Variants in MAD1L1 observed in about 807,000 individuals in gnomAD.
The protein encoded by MAD1L1 is mitotic spindle assembly checkpoint protein MAD1.
MAD1L1 carries 95 observed loss-of-function variants against 96.9 expected under a neutral mutation model. The observed-to-expected ratio is 0.98, with a 90% CI of 0.83 to 1.16. The LOEUF is 1.16. MAD1L1 is among the 50% of genes most tolerant of loss of function. The probability of loss-of-function intolerance (pLI) is 0.00; values close to 1 mark genes in which losing one functional copy is unlikely to be tolerated. For synonymous variants in MAD1L1, 473 were observed against 396.6 expected (o/e 1.19, Z -2.29); for missense variants, 1,007 against 954.4 (o/e 1.06, Z -0.73).
At chr7:1,843,535 G>A (rs1783404339) in intron 18 of MAD1L1, among the ~76,000 whole-genome samples, 1 of 152,188 alleles carries the variant, frequency 6.6e-6, no homozygotes, top group South Asian at 2.1e-4. Context: ...CTCCTGAAGT[G>A]CAATTGGTTA....
At chr7:1,877,487 A>G (rs956858009) in intron 18 of MAD1L1, among the ~76,000 whole-genome samples, 5 of 152,054 alleles carry the variant, frequency 3.3e-5, no homozygotes, top group South Asian at 4.2e-4. Flanking sequence ...AAGAGGCAAG[A>G]AAAATGAAAA....
chr7:2,015,066 A>G (rs1782475156), intron 12 of MAD1L1, among the ~76,000 whole-genome samples: 1 of 152,202 alleles, frequency 6.6e-6, no homozygotes, highest in Non-Finnish European at 1.5e-5. Context: ...GACTCCTCTG[A>G]GTCCCAGTCA....
intron 10 of MAD1L1, among the ~76,000 whole-genome samples, chr7:2,168,145 C>T (rs954256544): frequency 1.3e-4 from 20 of 151,990 alleles, no homozygotes; most frequent in African/African-American, 4.6e-4. Flanking sequence ...ATTAGCCAGG[C>T]GTGGTGGTGG....
At chr7:2,095,096 G>A (rs1256227067) in intron 11 of MAD1L1, among the ~76,000 whole-genome samples, 3 of 152,196 alleles carry the variant, frequency 2.0e-5, no homozygotes, top group South Asian at 2.1e-4. Context: ...AGGCTGGAGT[G>A]CAGTGGCTCC....
In MAD1L1 at chr7:1,914,981, C is replaced by G. The variant is rs745423592; in HGVS notation, c.1808-16591G>C. Among the ~76,000 whole-genome samples the G allele has an allele frequency of 5.3e-5, 8 of 152,150 alleles. 1 individual carries two copies. Among genetic ancestry groups the G allele is most frequent in the Non-Finnish European group, 1.2e-4 (8 of 68,026 alleles). Reference sequence around the variant, plus strand: ...CAACAGGAGCCTCATGCGGTGGCATCTAAGGATAGTGTGGGCCTCTGGTTT... The same window carrying G: ...CAACAGGAGCCTCATGCGGTGGCATGTAAGGATAGTGTGGGCCTCTGGTTT... On this transcript the variant is annotated intron_variant, in intron 17 of 18. Transcript: ENST00000265854.
At chr7:2,183,212 CAA>C (rs1020370883) in intron 10 of MAD1L1, among the ~76,000 whole-genome samples, 19 of 101,584 alleles carry the variant, frequency 1.9e-4, no homozygotes, top group Admixed American at 2.1e-4. Flanking sequence ...GACTCTGCCT[CAA>C]AAAAAAAAAA....
intron 10 of MAD1L1, among the ~76,000 whole-genome samples, chr7:2,186,372 A>G (rs1791460289): frequency 6.6e-6 from 1 of 152,274 alleles, no homozygotes; most frequent in African/African-American, 2.4e-5. Flanking sequence ...TGGCTACTAA[A>G]GAGTAAACAC....
At chr7:1,884,074 AG>A (rs1419354427) in intron 18 of MAD1L1, among the ~76,000 whole-genome samples, 2 of 15,566 alleles carry the variant, frequency 1.3e-4, no homozygotes, top group East Asian at 1.7e-3. Flanking sequence ...AGCTCATTCG[AG>A]AGAGCATGTG....
chr7:2,062,097 C>A (rs1210060561), intron 12 of MAD1L1, among the ~76,000 whole-genome samples: 1 of 151,548 alleles, frequency 6.6e-6, no homozygotes, highest in African/African-American at 2.4e-5. Context: ...AAAAAATTAG[C>A]TGGGTATAGT....
intron 17 of MAD1L1, among the ~76,000 whole-genome samples, chr7:1,935,707 C>T (rs535463874): frequency 5.9e-5 from 9 of 152,334 alleles, no homozygotes; most frequent in African/African-American, 2.2e-4. Context: ...GTACAGGGCG[C>T]GATGGCAAGT....
chr7:1,816,612 C>T (rs1781819704), intron 18 of MAD1L1, among the ~76,000 whole-genome samples: 1 of 152,114 alleles, frequency 6.6e-6, no homozygotes, highest in African/African-American at 2.4e-5. Context: ...CCTGCAACGC[C>T]TTCCACACTG....
intron 18 of MAD1L1, among the ~76,000 whole-genome samples, chr7:1,830,311 C>A (rs1324462742): frequency 6.6e-6 from 1 of 152,170 alleles, no homozygotes; most frequent in Non-Finnish European, 1.5e-5. Context: ...GCAGGAGAAT[C>A]GCTTTAACCT....
chr7:1,843,560 T>A (rs774628448), intron 18 of MAD1L1, among the ~76,000 whole-genome samples: 3 of 152,230 alleles, frequency 2.0e-5, no homozygotes, highest in Non-Finnish European at 4.4e-5. Context: ...CGGTTTAGTG[T>A]TCTTTACTGC....
At chr7:2,206,496 C>T (rs1365887766) in intron 10 of MAD1L1, among the ~76,000 whole-genome samples, 1 of 152,208 alleles carries the variant, frequency 6.6e-6, no homozygotes, top group Non-Finnish European at 1.5e-5. Context: ...GGTGTTAAGG[C>T]TCATCCTCAC....
chr7:2,219,928 G>A (rs1793504824), intron 5 of MAD1L1, among the ~76,000 whole-genome samples: 1 of 152,148 alleles, frequency 6.6e-6, no homozygotes, highest in Admixed American at 6.5e-5. Flanking sequence ...AGCCAAGATG[G>A]GCCCGGACTC....
At chr7:2,148,094 G>T (rs1338415179) in intron 11 of MAD1L1, among the ~76,000 whole-genome samples, 1 of 152,162 alleles carries the variant, frequency 6.6e-6, no homozygotes, top group African/African-American at 2.4e-5. Flanking sequence ...ATCATTTGAG[G>T]TTTTTCAGTA....
intron 17 of MAD1L1, among the ~76,000 whole-genome samples, chr7:1,930,926 C>A (rs1476260615): frequency 1.3e-5 from 2 of 152,170 alleles, no homozygotes; most frequent in Non-Finnish European, 1.5e-5. Flanking sequence ...GAGGAGCATC[C>A]GTCTCTGTCT....
chr7:1,909,262 G>A (rs112093341), intron 17 of MAD1L1, among the ~76,000 whole-genome samples: 7,508 of 152,270 alleles, frequency 0.049, 273 homozygotes, highest in Admixed American at 0.1. Flanking sequence ...GGAGCCGCCC[G>A]AGTGTCCCTG....
At chr7:1,826,913 G>A (rs1195407739) in intron 18 of MAD1L1, among the ~76,000 whole-genome samples, 17 of 152,084 alleles carry the variant, frequency 1.1e-4, no homozygotes, top group East Asian at 1.9e-4. Flanking sequence ...CTGGCGGGGC[G>A]GGCAAGGCCA....
Sources: allele counts gnomAD v4.1 joint callset (sites outside exome capture counted in the v4.1 genomes callset), GRCh38; gene constraint gnomAD v4.1.1; transcripts MANE v1.5; gene names NCBI Gene and HGNC (gene_info 2026-07-23, HGNC 2026-07-21).